CAMK2B: variants seen among roughly 807,000 people sequenced by gnomAD.
The protein encoded by CAMK2B is calcium/calmodulin dependent protein kinase II beta.
A neutral mutation model predicts 93.7 loss-of-function variants in CAMK2B; 27 were observed. The observed-to-expected ratio is 0.29, with a 90% CI of 0.21 to 0.40. The LOEUF is 0.40. CAMK2B is among the 10% of genes least tolerant of loss of function. CAMK2B has a pLI of 1.00. For missense variants in CAMK2B, 568 were observed against 895.8 expected (o/e 0.63, Z 4.67); for synonymous variants, 374 against 358.8 (o/e 1.04, Z -0.48).
At chr7:44,302,663 A>G (rs888509635) in intron 1 of CAMK2B, among the ~76,000 whole-genome samples, 3 of 152,180 alleles carry the variant, frequency 2.0e-5, no homozygotes, top group African/African-American at 4.8e-5. Context: ...TCACACAACT[A>G]TATCAATACA....
At chr7:44,272,414 G>A (rs1584459823) in intron 2 of CAMK2B, among the ~76,000 whole-genome samples, 1 of 152,198 alleles carries the variant, frequency 6.6e-6, no homozygotes, top group African/African-American at 2.4e-5. Flanking sequence ...GGCAGCCCCG[G>A]GAGGCTGAGC....
chr7:44,320,042 C>T (rs1397044162), intron 1 of CAMK2B, among the ~76,000 whole-genome samples: 1 of 152,148 alleles, frequency 6.6e-6, no homozygotes, highest in Non-Finnish European at 1.5e-5. Context: ...AAAGGAGTCA[C>T]ATTTTACGGC....
intron 13 of CAMK2B, among the ~76,000 whole-genome samples, chr7:44,237,296 T>G (rs1251086946): frequency 2.6e-5 from 4 of 152,170 alleles, no homozygotes; most frequent in Non-Finnish European, 5.9e-5. Flanking sequence ...AACCTGCATT[T>G]CCAAACTATG....
chr7:44,220,235 T>C lies in CAMK2B; in HGVS notation c.1828A>G (p.Ile610Val). The C allele has an allele frequency of 6.2e-7, 1 of 1,613,354 alleles. No individual in the cohort carries two copies. Among genetic ancestry groups the C allele is most frequent in the Non-Finnish European group, 8.5e-7 (1 of 1,179,964 alleles). ...GCGATGCAGGCGGCATCCTCTCCAA[T>C]GACGTGCACGTGTGGGTTCAGGATG... is the stretch of plus-strand genomic sequence containing the variant. ...TTILNPHVHV[I>V]GEDAACIAYI... Residue 610 changes from isoleucine (I) to valine (V), a missense_variant, in exon 23 of 24, where the codon ATT (isoleucine) becomes GTT (valine). Ile to Val is a conservative substitution (Grantham distance 29). Coordinates refer to ENST00000395749, the MANE Select transcript of CAMK2B (RefSeq NM_001220.5).
At position 44,262,802 on chromosome 7, in the gene CAMK2B, C is replaced by T. The variant is rs551982168; in HGVS notation, c.220+203G>A. On this transcript the variant is annotated intron_variant, in intron 3 of 23. Coordinates refer to ENST00000395749, the MANE Select transcript of CAMK2B (RefSeq NM_001220.5). ...GGGCTGCCCCGGCTCTGAGCACCCC[C>T]GGGAATCATGTCACATACGACAAAG... Among the ~76,000 whole-genome samples, 6 of 152,266 alleles carry T rather than the reference C, an allele frequency of 3.9e-5. No individual in the cohort carries two copies. In the East Asian group the frequency reaches 9.7e-4, roughly 24 times the overall value.
At position 44,320,678 on chromosome 7, in the gene CAMK2B, A is replaced by C. The variant is rs567035873; in HGVS notation, c.65+4679T>G. ...ACCATTAAATAGTAACTAAACTAGC[A>C]TCACCTTAATGCACATCTTGCCAGC... On this transcript the variant is annotated intron_variant, in intron 1 of 23. Transcript: ENST00000395749. Among the ~76,000 whole-genome samples the C allele has an allele frequency of 9.8e-5, 15 of 152,384 alleles. No individual in the cohort carries two copies. The South Asian group carries it at 3.1e-3, about 32-fold the overall frequency.
At chr7:44,240,816 T>C in intron 11 of CAMK2B, 67 bp from the exon 12 acceptor site, 1 of 1,529,964 alleles carries the variant, frequency 6.5e-7, no homozygotes, top group Non-Finnish European at 9.0e-7. Flanking sequence ...CTGGCCAGGA[T>C]AAGACCCCTG....
Position 44,244,875 on chromosome 7 carries a change from C to A in CAMK2B, c.415-1348G>T, listed in dbSNP as rs965069787. 6.6e-6 allele frequency: 3 copies of A among 453,060 alleles called. No individual in the cohort carries two copies. The East Asian group carries it at 2.1e-4, about 32-fold the overall frequency. The allele number at this position is 453,060 out of a possible 1,614,324, so 28.1% of individuals were successfully genotyped here. ...GGCAGCATTGGGGGCTTCTGTCCCCCACCTCCACCTCCTCGTCACCTTGGG... is the reference window on the plus strand; with the variant it reads ...GGCAGCATTGGGGGCTTCTGTCCCCAACCTCCACCTCCTCGTCACCTTGGG... On this transcript the variant is annotated intron_variant, in intron 6 of 23. Transcript: ENST00000395749.
intron 1 of CAMK2B, among the ~76,000 whole-genome samples, chr7:44,303,282 A>G (rs975444071): frequency 6.6e-6 from 1 of 152,200 alleles, no homozygotes; most frequent in Admixed American, 6.5e-5. Context: ...GAGGCATCCC[A>G]TGTTCATTAA....
chr7:44,320,085 A>C (rs899932686), intron 1 of CAMK2B, among the ~76,000 whole-genome samples: 5 of 152,092 alleles, frequency 3.3e-5, no homozygotes, highest in Non-Finnish European at 7.3e-5. Flanking sequence ...GTGTGTGTGT[A>C]TGTGTCTGTG....
chr7:44,229,867 G>A lies in CAMK2B; in HGVS notation c.1226-366C>T, dbSNP rs945148867. 58 of 191,592 alleles carry A rather than the reference G, an allele frequency of 3.0e-4. 1 individual carries two copies. Among genetic ancestry groups the A allele is most frequent in the East Asian group, 1.2e-4 (1 of 8,226 alleles). The allele number at this position is 191,592 out of a possible 1,614,324, so 11.9% of individuals were successfully genotyped here. ...GCACGGAGAGGGAGTGACAGTCATC[G>A]TAGGGGCATGATGGCCACTGAGCCT... On this transcript the variant is annotated intron_variant, in intron 17 of 23. Transcript: ENST00000395749.
intron 16 of CAMK2B, among the ~76,000 whole-genome samples, chr7:44,231,277 G>A (rs1256211312): frequency 1.3e-5 from 2 of 152,184 alleles, no homozygotes; most frequent in East Asian, 1.9e-4. Flanking sequence ...GGCAGTGACC[G>A]GAGAAGACAC....
chr7:44,274,241 ACCTCAGAG>A (rs1584477359), intron 2 of CAMK2B, among the ~76,000 whole-genome samples: 1 of 152,036 alleles, frequency 6.6e-6, no homozygotes, highest in Non-Finnish European at 1.5e-5. Flanking sequence ...AAACATCGTG[ACCTCAGAG>A]CCGCTGTGCA....
chr7:44,313,916 CG>C (rs1794196060), intron 1 of CAMK2B, among the ~76,000 whole-genome samples: 1 of 151,710 alleles, frequency 6.6e-6, no homozygotes, highest in Non-Finnish European at 1.5e-5. Context: ...GAAGACACTT[CG>C]CAGCAGAGGC....
At chr7:44,321,075 C>G (rs1795949450) in intron 1 of CAMK2B, among the ~76,000 whole-genome samples, 1 of 152,156 alleles carries the variant, frequency 6.6e-6, no homozygotes, top group Admixed American at 6.5e-5. Context: ...GGCCAAGGCC[C>G]CCGAGGCAGG....
intron 5 of CAMK2B, among the ~76,000 whole-genome samples, chr7:44,247,520 G>C (rs898096724): frequency 2.6e-5 from 4 of 152,172 alleles, no homozygotes; most frequent in Non-Finnish European, 4.4e-5. Flanking sequence ...GCACCCTCAG[G>C]AGGGAGGCCA....
At chr7:44,240,647 C>T in intron 12 of CAMK2B, 60 bp downstream of exon 12, 1 of 1,580,658 alleles carries the variant, frequency 6.3e-7, no homozygotes, top group South Asian at 1.1e-5. Flanking sequence ...AGGAGGCGCT[C>T]TCCTGCGTGG....
In CAMK2B at chr7:44,229,451, G is replaced by T; in HGVS notation, c.1276C>A (p.Pro426Thr). ...CAGGGCAGGGGCCCCTCGGCTTCTG[G>T]GGCTCCCGAGCCCCTCCTCACTGAG... ...LSSVRRGSGA[P>T]EAEGPLPCPS... Residue 426 changes from proline to threonine, a missense_variant, in exon 18 of 24, where the codon CCA becomes ACA. Physicochemically the swap from Pro to Thr is conservative, Grantham distance 38. Around this residue, in one of 4 missense-constraint regions of CAMK2B, gnomAD observed 308 missense variants for 292.1 expected, o/e 1.05. Coordinates refer to ENST00000395749, the MANE Select transcript of CAMK2B (RefSeq NM_001220.5). The T allele has an allele frequency of 6.7e-7, 1 of 1,487,954 alleles. No homozygotes were observed. The highest frequency in any genetic ancestry group is 8.9e-7 in the Non-Finnish European group (1 of 1,120,250). 92.2% of individuals were successfully genotyped at this position (1,487,954 alleles called of 1,614,324 possible). A position where few individuals can be genotyped will look rare whatever the true frequency, so the allele number is the denominator to read the frequency against.
At chr7:44,229,586 G>A (rs565847180) in intron 17 of CAMK2B, 85 bp from the exon 18 acceptor site, 3 of 534,584 alleles carry the variant, frequency 5.6e-6, no homozygotes, top group Non-Finnish European at 9.4e-6. Flanking sequence ...GGGAGGCCAG[G>A]AGGGAGGGAG....
Sources: gnomAD v4.1 joint callset for allele counts (sites outside exome capture counted in the v4.1 genomes callset) on GRCh38, gnomAD v4.1.1 for gene constraint, gnomAD v4.1.1 regional missense constraint, MANE v1.5 for transcripts, NCBI Gene and HGNC (gene_info 2026-07-23, HGNC 2026-07-21) for gene names.